Variants in CAPN13 observed in about 807,000 individuals in gnomAD.
CAPN13 encodes the protein calpain 13.
In CAPN13, 90 loss-of-function variants were observed where a neutral mutation model predicts 98.4. The observed-to-expected ratio is 0.92, with a 90% CI of 0.77 to 1.09. CAPN13 has a LOEUF of 1.09. Ranked by LOEUF, CAPN13 falls within the 50% of genes least tolerant of loss-of-function variation. The pLI is 0.00. For missense variants in CAPN13, 887 were observed against 841.3 expected (o/e 1.05, Z -0.67); for synonymous variants, 330 against 305.5 (o/e 1.08, Z -0.84).
chr2:30,734,752 C>T (rs1171180202), intron 18 of CAPN13, among the ~76,000 whole-genome samples: 6 of 152,184 alleles, frequency 3.9e-5, no homozygotes, highest in African/African-American at 1.4e-4. Flanking sequence ...TTCTGTGCCC[C>T]CAGACTGGGC....
At chr2:30,745,274 G>C (rs1450453474) in intron 12 of CAPN13, 1 of 474,346 alleles carries the variant, frequency 2.1e-6, no homozygotes, top group Non-Finnish European at 4.4e-6. Flanking sequence ...CTGTTTAGGA[G>C]GGTGGCAGTT....
intron 2 of CAPN13, among the ~76,000 whole-genome samples, chr2:30,780,140 A>C (rs1673912878): frequency 6.6e-6 from 1 of 152,182 alleles, no homozygotes; most frequent in African/African-American, 2.4e-5. Flanking sequence ...AAAGTTACCA[A>C]AGAGTATCAC....
In CAPN13 at chr2:30,767,510, G is replaced by A. The variant is rs544520084; in HGVS notation, c.524+2803C>T. Reference sequence around the variant, plus strand: ...CTCCCAGGGAACCACTGGTCTCCCCGTTTTTACATAAGGATAAAACGAGGC... The same window carrying A: ...CTCCCAGGGAACCACTGGTCTCCCCATTTTTACATAAGGATAAAACGAGGC... On this transcript the variant is annotated intron_variant, in intron 5 of 22. Coordinates refer to ENST00000295055, the MANE Select transcript of CAPN13 (RefSeq NM_144575.3). Among the ~76,000 whole-genome samples, 152 of 152,226 alleles carry A rather than the reference G, an allele frequency of 1.0e-3. 1 individual carries two copies. The highest frequency in any genetic ancestry group is 3.4e-3 in the African/African-American group (141 of 41,518).
intron 5 of CAPN13, among the ~76,000 whole-genome samples, chr2:30,768,398 G>A (rs2148032658): frequency 6.6e-6 from 1 of 152,350 alleles, no homozygotes; most frequent in Admixed American, 6.5e-5. Context: ...AGCAGAGGAA[G>A]ATGCATAGCA....
At chr2:30,802,294 A>G (rs1335247702) in intron 1 of CAPN13, among the ~76,000 whole-genome samples, 1 of 152,142 alleles carries the variant, frequency 6.6e-6, no homozygotes, top group Non-Finnish European at 1.5e-5. Flanking sequence ...GGCCCAGGTC[A>G]ACCTTCTTGT....
intron 4 of CAPN13, among the ~76,000 whole-genome samples, chr2:30,771,748 A>G (rs994275245): frequency 6.6e-5 from 10 of 152,232 alleles, no homozygotes; most frequent in Non-Finnish European, 1.2e-4. Context: ...CTGTAGTTGA[A>G]TGCTGGTCTT....
At chr2:30,731,624 C>T (rs538517261) in intron 20 of CAPN13, among the ~76,000 whole-genome samples, 1 of 152,342 alleles carries the variant, frequency 6.6e-6, no homozygotes, top group East Asian at 1.9e-4. Context: ...TGTGCCTGCT[C>T]TGCCCACACG....
intron 22 of CAPN13, among the ~76,000 whole-genome samples, chr2:30,724,833 A>C (rs953257759): frequency 7.9e-5 from 12 of 151,438 alleles, no homozygotes; most frequent in African/African-American, 2.9e-4. Flanking sequence ...TCTCGAAAAG[A>C]ATTTCTTTTG....
At chr2:30,770,571 A>G (rs1310170547) in intron 4 of CAPN13, 122 bp from the exon 5 acceptor site, 3 of 1,215,024 alleles carry the variant, frequency 2.5e-6, no homozygotes, top group South Asian at 1.6e-5. Context: ...TCTATTCCGA[A>G]CAAAATCCCA....
chr2:30,736,358 AAAC>A (rs1671364142), intron 18 of CAPN13, 142 bp downstream of exon 18: 1 of 766,394 alleles, frequency 1.3e-6, no homozygotes, highest in African/African-American at 1.7e-5. Context: ...ATGTCTCCCC[AAAC>A]AACATGTGAG....
intron 4 of CAPN13, among the ~76,000 whole-genome samples, chr2:30,775,627 G>A (rs571179051): frequency 7.9e-5 from 12 of 152,254 alleles, no homozygotes; most frequent in African/African-American, 2.9e-4. Flanking sequence ...AAAATAGCAC[G>A]ATATGGCACA....
intron 8 of CAPN13, among the ~76,000 whole-genome samples, chr2:30,755,692 T>C (rs1377613860): frequency 6.6e-6 from 1 of 152,180 alleles, no homozygotes; most frequent in Non-Finnish European, 1.5e-5. Context: ...ATGGGGAGCC[T>C]GGGTCCCCTC....
chr2:30,805,021 T>C (rs967650318), intron 1 of CAPN13, among the ~76,000 whole-genome samples: 2 of 152,202 alleles, frequency 1.3e-5, no homozygotes, highest in Non-Finnish European at 1.5e-5. Context: ...TTGGTCCCTT[T>C]TTTACTCCAG....
chr2:30,744,638 C>T (rs1671818212), intron 12 of CAPN13, among the ~76,000 whole-genome samples: 1 of 152,148 alleles, frequency 6.6e-6, no homozygotes, highest in East Asian at 1.9e-4. Flanking sequence ...TTGTCCTGCT[C>T]CCTCTGTTGA....
intron 2 of CAPN13, among the ~76,000 whole-genome samples, chr2:30,782,961 T>G (rs947944109): frequency 3.9e-5 from 6 of 152,170 alleles, no homozygotes; most frequent in Admixed American, 3.9e-4. Flanking sequence ...TTTCAAGTGC[T>G]CAATAGCCAC....
intron 2 of CAPN13, among the ~76,000 whole-genome samples, chr2:30,783,268 T>C (rs1674087290): frequency 6.6e-6 from 1 of 152,194 alleles, no homozygotes; most frequent in Non-Finnish European, 1.5e-5. Flanking sequence ...AGTATAATCT[T>C]TAGCACTGTC....
intron 2 of CAPN13, among the ~76,000 whole-genome samples, chr2:30,783,858 C>G (rs6548036): frequency 0.73 from 111,060 of 152,120 alleles, 41,036 homozygotes; most frequent in African/African-American, 0.83. Flanking sequence ...TATAGCTTGG[C>G]AGTCAACTTT....
At chr2:30,743,305 G>A in intron 13 of CAPN13, 78 bp downstream of exon 13, 1 of 1,277,420 alleles carries the variant, frequency 7.8e-7, no homozygotes. Context: ...AATGCACAGA[G>A]AACTGCCCAT....
At chr2:30,738,907 G>A (rs900478246) in intron 15 of CAPN13, among the ~76,000 whole-genome samples, 4 of 152,070 alleles carry the variant, frequency 2.6e-5, no homozygotes, top group African/African-American at 9.7e-5. Context: ...GTGCGTGCAC[G>A]TGTGTGATAA....
Sources: allele counts gnomAD v4.1 joint callset (sites outside exome capture counted in the v4.1 genomes callset), GRCh38; gene constraint gnomAD v4.1.1; transcripts MANE v1.5; gene names NCBI Gene and HGNC (gene_info 2026-07-23, HGNC 2026-07-21).